Variants in DDX4 observed in about 807,000 individuals in gnomAD.
DDX4 encodes probable ATP-dependent RNA helicase DDX4.
Under a neutral mutation model 100.0 loss-of-function variants are expected in DDX4, and 25 were observed. The observed-to-expected ratio is 0.25, with a 90% CI of 0.18 to 0.35. The LOEUF is 0.35. Among genes scored for constraint, DDX4 ranks in the 10% least tolerant of loss-of-function variants. The pLI is 1.00. For missense variants in DDX4, 635 were observed against 882.4 expected (o/e 0.72, Z 3.55); for synonymous variants, 259 against 275.7 (o/e 0.94, Z 0.60).
At chr5:55,768,840 A>G (rs1170498158) in intron 7 of DDX4, among the ~76,000 whole-genome samples, 1 of 152,122 alleles carries the variant, frequency 6.6e-6, no homozygotes, top group African/African-American at 2.4e-5. Context: ...GTGAGATGGT[A>G]TCTCATTGTG....
rs1170448512 is a variant in DDX4 at position 55,787,962 on chromosome 5, C to T, written c.1134C>T (p.Val378=). The change falls in exon 15 of 22, where the codon GTC becomes GTT. Residue 378 remains valine (V), a synonymous_variant. Coordinates refer to ENST00000505374, the MANE Select transcript of DDX4 (RefSeq NM_024415.3). The stretch of plus-strand genomic sequence containing the variant: ...TTGTAGCACCAACTCGAGAATTGGT[C>T]AACCAGATTTATTTGGAAGCCAGAA... ...CIIVAPTREL[V]NQIYLEARKF... 6.2e-6 allele frequency: 10 copies of T among 1,613,504 alleles called. No homozygotes were observed. Among genetic ancestry groups the T allele is most frequent in the Non-Finnish European group, 8.5e-6 (10 of 1,179,770 alleles).
chr5:55,770,015 G>T (rs949479369), intron 7 of DDX4, among the ~76,000 whole-genome samples: 3 of 152,030 alleles, frequency 2.0e-5, no homozygotes, highest in Admixed American at 2.0e-4. Flanking sequence ...CTACAGGCAT[G>T]TGCCAGCATG....
chr5:55,744,220 A>C (rs912671537), intron 2 of DDX4, among the ~76,000 whole-genome samples: 16 of 152,198 alleles, frequency 1.1e-4, no homozygotes, highest in Admixed American at 8.5e-4. Flanking sequence ...GATGTTACCT[A>C]AAGAAGCCTA....
At chr5:55,794,647 A>G (rs752761768) in intron 17 of DDX4, among the ~76,000 whole-genome samples, 1 of 152,188 alleles carries the variant, frequency 6.6e-6, no homozygotes, top group Non-Finnish European at 1.5e-5. Context: ...CAAACGTACT[A>G]TTGTCAGTCA....
intron 7 of DDX4, among the ~76,000 whole-genome samples, chr5:55,768,978 C>T (rs1348835435): frequency 2.0e-5 from 3 of 151,700 alleles, no homozygotes; most frequent in Admixed American, 2.0e-4. Context: ...GTTTGTTTTT[C>T]TGCTTGTACA....
Position 55,767,921 on chromosome 5 carries a change from A to G in DDX4, c.375A>G (p.Arg125=), listed in dbSNP as rs570373422. 1.5e-5 allele frequency: 25 copies of G among 1,613,920 alleles called. No homozygotes were observed. The highest frequency in any genetic ancestry group is 1.6e-4 in the Middle Eastern group (1 of 6,080). The change falls in exon 7 of 22, where the codon AGA becomes AGG. Residue 125 remains arginine (R), a synonymous_variant. Coordinates refer to ENST00000505374, the MANE Select transcript of DDX4 (RefSeq NM_024415.3). The part of the protein sequence containing the change: ...NDCEDNPTRN[R]GFSKRGGYRD... Reference sequence around the variant, plus strand: ...GCGAAGATAATCCAACACGGAACAGAGGGTTTTCCAAGAGAGGCGGTAAGG... The same window carrying G: ...GCGAAGATAATCCAACACGGAACAGGGGGTTTTCCAAGAGAGGCGGTAAGG...
intron 2 of DDX4, among the ~76,000 whole-genome samples, chr5:55,740,120 C>G (rs1758894202): frequency 6.6e-6 from 1 of 152,136 alleles, no homozygotes; most frequent in African/African-American, 2.4e-5. Context: ...GCCCAATAGA[C>G]AAGCACTCCT....
intron 3 of DDX4, among the ~76,000 whole-genome samples, chr5:55,752,333 C>A (rs1369174410): frequency 2.6e-5 from 3 of 116,014 alleles, no homozygotes; most frequent in East Asian, 5.9e-4. Flanking sequence ...TCCCTCCCCC[C>A]TCCCCCCACC....
chr5:55,793,297 A>G (rs1207526872), intron 17 of DDX4, among the ~76,000 whole-genome samples: 5 of 151,802 alleles, frequency 3.3e-5, no homozygotes, highest in Non-Finnish European at 7.4e-5. Flanking sequence ...TGGAATGGTG[A>G]CTCTTTTTCC....
chr5:55,807,619 AT>A (rs1307741769), intron 18 of DDX4, among the ~76,000 whole-genome samples: 1 of 152,174 alleles, frequency 6.6e-6, no homozygotes, highest in Non-Finnish European at 1.5e-5. Flanking sequence ...TGGGTTGCAG[AT>A]TCTTTTCTTT....
chr5:55,767,316 C>T (rs1740987394), intron 6 of DDX4, among the ~76,000 whole-genome samples: 1 of 152,172 alleles, frequency 6.6e-6, no homozygotes, highest in African/African-American at 2.4e-5. Flanking sequence ...TGGCGCATGC[C>T]TGTAATCCCA....
At chr5:55,760,563 A>G (rs908252366) in intron 4 of DDX4, among the ~76,000 whole-genome samples, 2 of 152,134 alleles carry the variant, frequency 1.3e-5, no homozygotes, top group Non-Finnish European at 2.9e-5. Flanking sequence ...TGTGTTTGTG[A>G]TATTGATTTC....
chr5:55,747,928 T>C (rs979842185), intron 3 of DDX4, among the ~76,000 whole-genome samples: 2 of 152,168 alleles, frequency 1.3e-5, no homozygotes, highest in Admixed American at 1.3e-4. Context: ...GTAAAACATT[T>C]TATGGTCAAG....
At chr5:55,782,505 G>A (rs1378047062) in intron 10 of DDX4, among the ~76,000 whole-genome samples, 1 of 151,920 alleles carries the variant, frequency 6.6e-6, no homozygotes, top group African/African-American at 2.4e-5. Context: ...GGCTAAGGCA[G>A]GAGAATCGCT....
intron 18 of DDX4, among the ~76,000 whole-genome samples, chr5:55,800,902 T>C (rs1561512782): frequency 1.3e-5 from 2 of 152,190 alleles, no homozygotes; most frequent in South Asian, 2.1e-4. Context: ...TTCTACTCTT[T>C]CACTTAATTA....
intron 18 of DDX4, among the ~76,000 whole-genome samples, chr5:55,805,109 A>G (rs990811975): frequency 6.6e-6 from 1 of 150,456 alleles, no homozygotes; most frequent in Non-Finnish European, 1.5e-5. Flanking sequence ...TTCACTCATG[A>G]TTTGGCTCTC....
At chr5:55,783,668 T>G (rs1742064789) in intron 10 of DDX4, among the ~76,000 whole-genome samples, 1 of 125,120 alleles carries the variant, frequency 8.0e-6, no homozygotes, top group African/African-American at 2.9e-5. Flanking sequence ...GATGGATGGA[T>G]GGATGGATGA....
chr5:55,766,977 G>A, intron 6 of DDX4: 2 of 1,533,076 alleles, frequency 1.3e-6, no homozygotes, highest in East Asian at 2.5e-5. Flanking sequence ...GTAGTTTTCA[G>A]GCAGCCTTCA....
At chr5:55,799,521 G>A (rs954843220) in intron 18 of DDX4, among the ~76,000 whole-genome samples, 10 of 151,956 alleles carry the variant, frequency 6.6e-5, no homozygotes, top group East Asian at 1.9e-4. Context: ...GACTACAGGC[G>A]TGCACCACCA....
Sources: gnomAD v4.1 joint callset for allele counts (sites outside exome capture counted in the v4.1 genomes callset) on GRCh38, gnomAD v4.1.1 for gene constraint, MANE v1.5 for transcripts, NCBI Gene and HGNC (gene_info 2026-07-23, HGNC 2026-07-21) for gene names.